KIAA1217: variants seen among roughly 807,000 people sequenced by gnomAD.
KIAA1217 encodes KIAA1217.
In KIAA1217, 88 loss-of-function variants were observed where a neutral mutation model predicts 163.9. The observed-to-expected ratio is 0.54, with a 90% CI of 0.45 to 0.64. The LOEUF is 0.64. Among genes scored for constraint, KIAA1217 ranks in the 30% least tolerant of loss-of-function variants. KIAA1217 has a pLI of 0.00. For synonymous variants in KIAA1217, 903 were observed against 923.1 expected, an observed-to-expected ratio of 0.98 and a Z score of 0.39; for missense variants, 2,372 against 2,475.0, an observed-to-expected ratio of 0.96 and a Z score of 0.88.
Position 24,480,397 on chromosome 10 carries a change from A to G in KIAA1217, c.1679+6337A>G, listed in dbSNP as rs558581620. ...GCTATGACTACCTTCAGGTCAGTCA[A>G]TCTGCTCATCAACCAGTTGTTCAGA... On this transcript the variant is annotated intron_variant, in intron 6 of 20. Coordinates refer to ENST00000376454, the MANE Select transcript of KIAA1217 (RefSeq NM_019590.5). 1.3e-5 allele frequency among the ~76,000 whole-genome samples: 2 copies of G among 152,332 alleles called. 1 individual carries two copies. Among genetic ancestry groups the G allele is most frequent in the African/African-American group, 4.8e-5 (2 of 41,574 alleles).
rs10524680 is a variant in KIAA1217 at position 24,098,724 on chromosome 10, CGTGT to C, written c.-171+91383_-171+91386del. On this transcript the variant is annotated intron_variant, in intron 2 of 18. Coordinates refer to the KIAA1217 transcript ENST00000376462. ...TGTAACCCTCCCCTCTGAAGGGGAG[CGTGT>C]GTGTGTGTGTGTGTGTGTGTGTGTG... is the stretch of plus-strand genomic sequence containing the variant. Among the ~76,000 whole-genome samples the C allele has an allele frequency of 9.5e-3, 1,322 of 139,266 alleles. 15 individuals carry two copies. Among genetic ancestry groups the C allele is most frequent in the Middle Eastern group, 0.025 (7 of 280 alleles). 91.4% of individuals were successfully genotyped at this position (139,266 alleles called of 152,430 possible).
intron 1 of KIAA1217, among the ~76,000 whole-genome samples, chr10:23,982,632 C>T (rs1480244617): frequency 6.8e-6 from 1 of 147,526 alleles, no homozygotes; most frequent in Admixed American, 7.0e-5. Context: ...GGCGTGGTCT[C>T]GGCTCACTGC....
At chr10:24,443,326 A>C (rs966016674) in intron 5 of KIAA1217, among the ~76,000 whole-genome samples, 1 of 152,346 alleles carries the variant, frequency 6.6e-6, no homozygotes, top group Admixed American at 6.5e-5. Flanking sequence ...ACACAGCCAG[A>C]GAGTAGCAGA....
intron 1 of KIAA1217, among the ~76,000 whole-genome samples, chr10:23,846,154 G>T (rs2131080773): frequency 6.6e-6 from 1 of 152,250 alleles, no homozygotes; most frequent in South Asian, 2.1e-4. Flanking sequence ...ATAGTTTGAA[G>T]TCAGGTAGCA....
At chr10:23,743,217 G>A (rs1564383527) in intron 1 of KIAA1217, among the ~76,000 whole-genome samples, 2 of 151,176 alleles carry the variant, frequency 1.3e-5, no homozygotes, top group African/African-American at 4.9e-5. Flanking sequence ...GCCTCCTGAT[G>A]GGCCCCAGGT....
chr10:24,207,573 C>G (rs1589908139), upstream of KIAA1217, among the ~76,000 whole-genome samples: 1 of 152,350 alleles, frequency 6.6e-6, no homozygotes, highest in East Asian at 1.9e-4. Flanking sequence ...AATTCTGTTG[C>G]AAAGTCATAG....
intron 11 of KIAA1217, 27 bp from the exon 12 acceptor site, chr10:24,521,755 A>T: frequency 6.2e-7 from 1 of 1,603,180 alleles, no homozygotes. Flanking sequence ...TTTCTCCTCC[A>T]ATTCACCTGC....
chr10:23,761,278 AT>A (rs1188830725), intron 1 of KIAA1217, among the ~76,000 whole-genome samples: 1 of 152,076 alleles, frequency 6.6e-6, no homozygotes, highest in African/African-American at 2.4e-5. Flanking sequence ...CTGATCTGTT[AT>A]TTCTTGTCTT....
intron 2 of KIAA1217, among the ~76,000 whole-genome samples, chr10:24,063,482 C>G (rs2060813620): frequency 6.6e-6 from 1 of 152,122 alleles, no homozygotes; most frequent in African/African-American, 2.4e-5. Flanking sequence ...GGGCTCTGTT[C>G]TGTTCCATCG....
At chr10:23,702,073 C>G (rs1006339482) in intron 1 of KIAA1217, among the ~76,000 whole-genome samples, 9 of 152,144 alleles carry the variant, frequency 5.9e-5, no homozygotes, top group South Asian at 2.1e-4. Context: ...TGTCCAATTT[C>G]CATTAGATTA....
chr10:24,474,252 G>C (rs570311335), intron 6 of KIAA1217, among the ~76,000 whole-genome samples, 192 bp downstream of exon 6: 1 of 152,254 alleles, frequency 6.6e-6, no homozygotes, highest in East Asian at 1.9e-4. Flanking sequence ...ATTGGCAGGG[G>C]TTACAGTCAT....
At chr10:23,818,101 A>ACG (rs1443420728) in intron 1 of KIAA1217, among the ~76,000 whole-genome samples, 4 of 127,158 alleles carry the variant, frequency 3.1e-5, no homozygotes, top group African/African-American at 1.3e-4. Context: ...ACATACACAC[A>ACG]CACACACACA....
At chr10:23,867,263 G>A (rs1840237885) in intron 1 of KIAA1217, among the ~76,000 whole-genome samples, 1 of 151,946 alleles carries the variant, frequency 6.6e-6, no homozygotes, top group South Asian at 2.1e-4. Context: ...TTGGACATTT[G>A]GGTTGGTTCC....
intron 2 of KIAA1217, among the ~76,000 whole-genome samples, chr10:24,309,159 A>AGGGG (rs1564446345): frequency 4.9e-5 from 3 of 61,040 alleles, no homozygotes; most frequent in African/African-American, 6.4e-5. Context: ...GAAGGGAGGG[A>AGGGG]GGGAGGGAGG....
intron 1 of KIAA1217, among the ~76,000 whole-genome samples, chr10:23,814,154 G>A (rs193209484): frequency 1.6e-4 from 24 of 152,282 alleles, no homozygotes; most frequent in Non-Finnish European, 2.9e-4. Flanking sequence ...CTGAGCTGGT[G>A]TTTTATTTTG....
intron 6 of KIAA1217, among the ~76,000 whole-genome samples, chr10:24,478,536 C>T (rs770050486): frequency 6.6e-6 from 1 of 152,156 alleles, no homozygotes; most frequent in African/African-American, 2.4e-5. Flanking sequence ...ACTTTCAGAA[C>T]AGCCATTCTA....
intron 1 of KIAA1217, among the ~76,000 whole-genome samples, chr10:24,000,267 G>A (rs1394140765): frequency 1.3e-5 from 2 of 152,192 alleles, no homozygotes; most frequent in Non-Finnish European, 1.5e-5. Flanking sequence ...CGTGTCGTAG[G>A]AGGAAGCAGT....
chr10:23,747,962 G>T (rs1422005130), intron 1 of KIAA1217, among the ~76,000 whole-genome samples: 1 of 152,168 alleles, frequency 6.6e-6, no homozygotes, highest in African/African-American at 2.4e-5. Context: ...GCTACACCTG[G>T]ATTCCCTGGG....
intron 2 of KIAA1217, among the ~76,000 whole-genome samples, chr10:24,062,577 T>C (rs958232493): frequency 9.9e-5 from 15 of 151,418 alleles, no homozygotes; most frequent in African/African-American, 2.9e-4. Context: ...TTTGCTATTG[T>C]GAATAGTGCC....
Sources: gnomAD v4.1 joint callset for allele counts (sites outside exome capture counted in the v4.1 genomes callset) on GRCh38, gnomAD v4.1.1 for gene constraint, MANE v1.5 for transcripts, NCBI Gene and HGNC (gene_info 2026-07-23, HGNC 2026-07-21) for gene names.